Variants in CNTN5 observed in about 807,000 individuals in gnomAD.
The protein encoded by CNTN5 is contactin 5.
In CNTN5, 77 loss-of-function variants were observed where a neutral mutation model predicts 129.1. The observed-to-expected ratio is 0.60, with a 90% CI of 0.50 to 0.72. The LOEUF (loss-of-function observed/expected upper bound fraction) is 0.72, where lower values mean the gene tolerates loss of function less well. CNTN5 is among the 30% of genes least tolerant of loss of function. CNTN5 has a pLI of 0.00. For synonymous variants in CNTN5, 509 were observed against 465.6 expected (o/e 1.09, Z -1.20); for missense variants, 1,478 against 1,328.8 (o/e 1.11, Z -1.75).
At chr11:99,379,745 G>T (rs1260870020) in intron 2 of CNTN5, among the ~76,000 whole-genome samples, 1 of 152,028 alleles carries the variant, frequency 6.6e-6, no homozygotes, top group Non-Finnish European at 1.5e-5. Context: ...CCCTCCAGTG[G>T]GGCAGAGATC....
intron 13 of CNTN5, among the ~76,000 whole-genome samples, chr11:100,111,375 A>G (rs1945653936): frequency 6.6e-6 from 1 of 152,216 alleles, no homozygotes; most frequent in Non-Finnish European, 1.5e-5. Context: ...TCAAAAAGGC[A>G]GGATACAAAT....
chr11:99,272,522 G>A (rs1029503589), intron 1 of CNTN5, among the ~76,000 whole-genome samples: 16 of 151,576 alleles, frequency 1.1e-4, no homozygotes, highest in African/African-American at 3.6e-4. Context: ...GAGACTACAA[G>A]TGCACACCAC....
chr11:99,900,579 T>C (rs527644855), intron 6 of CNTN5, among the ~76,000 whole-genome samples: 4 of 152,054 alleles, frequency 2.6e-5, no homozygotes, highest in Non-Finnish European at 5.9e-5. Context: ...GATGTTGTTG[T>C]TTAACATGAT....
At chr11:99,842,440 A>C (rs915980472) in intron 4 of CNTN5, among the ~76,000 whole-genome samples, 2 of 152,232 alleles carry the variant, frequency 1.3e-5, no homozygotes, top group Non-Finnish European at 2.9e-5. Context: ...ATTCCTACTA[A>C]TACTGTAAAG....
chr11:99,902,925 A>G (rs1486982758), intron 6 of CNTN5, among the ~76,000 whole-genome samples: 2 of 152,188 alleles, frequency 1.3e-5, no homozygotes, highest in Non-Finnish European at 2.9e-5. Context: ...TTTTTAGCCA[A>G]GATGTAAGAT....
intron 3 of CNTN5, among the ~76,000 whole-genome samples, chr11:99,788,029 C>G (rs977861568): frequency 4.0e-5 from 6 of 151,856 alleles, no homozygotes; most frequent in African/African-American, 1.4e-4. Flanking sequence ...CTTGATTAAA[C>G]TTTCTTTGTG....
At chr11:99,793,080 G>C (rs1264744573) in intron 3 of CNTN5, among the ~76,000 whole-genome samples, 1 of 139,066 alleles carries the variant, frequency 7.2e-6, no homozygotes, top group Admixed American at 7.3e-5. Flanking sequence ...TTTTTTTTTC[G>C]ACACAGTCTC....
chr11:99,137,001 G>A (rs1859265321), intron 1 of CNTN5, among the ~76,000 whole-genome samples: 1 of 152,068 alleles, frequency 6.6e-6, no homozygotes, highest in Non-Finnish European at 1.5e-5. Context: ...TATTGAACAA[G>A]CAATATATCT....
intron 2 of CNTN5, among the ~76,000 whole-genome samples, chr11:99,500,949 C>T (rs1314548302): frequency 6.6e-6 from 1 of 152,066 alleles, no homozygotes; most frequent in Non-Finnish European, 1.5e-5. Flanking sequence ...AATCTGTATG[C>T]CTTTTGTGAA....
intron 3 of CNTN5, among the ~76,000 whole-genome samples, chr11:99,676,258 T>C (rs528425912): frequency 2.6e-5 from 4 of 152,190 alleles, no homozygotes; most frequent in African/African-American, 9.6e-5. Flanking sequence ...ATTTAATATA[T>C]GATTGTTGAA....
intron 3 of CNTN5, among the ~76,000 whole-genome samples, chr11:99,739,844 C>T (rs531390156): frequency 6.6e-6 from 1 of 152,246 alleles, no homozygotes; most frequent in East Asian, 1.9e-4. Flanking sequence ...CGAACTGAAG[C>T]ATTAAGTCTA....
intron 2 of CNTN5, among the ~76,000 whole-genome samples, chr11:99,510,649 A>C (rs979275072): frequency 1.3e-5 from 2 of 152,164 alleles, no homozygotes; most frequent in East Asian, 3.8e-4. Context: ...AAAAATTCCT[A>C]TCATTTAGTG....
At chr11:100,034,555 C>T (rs1941881260) in intron 9 of CNTN5, among the ~76,000 whole-genome samples, 1 of 152,194 alleles carries the variant, frequency 6.6e-6, no homozygotes, top group African/African-American at 2.4e-5. Context: ...ATTCTTGCTG[C>T]ATACAGAGTG....
chr11:99,964,943 T>G (rs1245567837), intron 8 of CNTN5, among the ~76,000 whole-genome samples: 3 of 152,224 alleles, frequency 2.0e-5, no homozygotes, highest in African/African-American at 4.8e-5. Context: ...CTAGTTTATT[T>G]GCGTAGAGAT....
intron 3 of CNTN5, among the ~76,000 whole-genome samples, chr11:99,625,839 A>C (rs1951107232): frequency 6.6e-6 from 1 of 152,032 alleles, no homozygotes; most frequent in African/African-American, 2.4e-5. Flanking sequence ...CGTAAGAAGT[A>C]GAAAGATGAG....
chr11:100,143,715 TA>T (rs1006566990), intron 13 of CNTN5, among the ~76,000 whole-genome samples: 36 of 152,240 alleles, frequency 2.4e-4, no homozygotes, highest in African/African-American at 8.7e-4. Context: ...CTTTTGTCTT[TA>T]AAAAATTTAG....
chr11:100,266,259 T>G (rs1429007726), intron 17 of CNTN5, among the ~76,000 whole-genome samples: 1 of 152,016 alleles, frequency 6.6e-6, no homozygotes. Flanking sequence ...ATTCTTTTGC[T>G]TGGAAAGGCA....
intron 1 of CNTN5, among the ~76,000 whole-genome samples, chr11:99,041,932 C>G (rs1397694411): frequency 6.6e-6 from 1 of 152,192 alleles, no homozygotes; most frequent in Non-Finnish European, 1.5e-5. Flanking sequence ...TTTCCAATCT[C>G]TATGACTTTG....
intron 3 of CNTN5, among the ~76,000 whole-genome samples, chr11:99,771,221 G>T (rs1555105531): frequency 6.6e-6 from 1 of 151,926 alleles, no homozygotes; most frequent in African/African-American, 2.4e-5. Flanking sequence ...AATCTTCTGT[G>T]TATATACCCA....
Sources: gnomAD v4.1 joint callset for allele counts (sites outside exome capture counted in the v4.1 genomes callset) on GRCh38, gnomAD v4.1.1 for gene constraint, MANE v1.5 for transcripts, NCBI Gene and HGNC (gene_info 2026-07-23, HGNC 2026-07-21) for gene names.